ZDBF2: variants seen among roughly 807,000 people sequenced by gnomAD.
ZDBF2 encodes zinc finger DBF-type containing 2.
In ZDBF2, 6 loss-of-function variants were observed where a neutral mutation model predicts 9.4. That is an observed-to-expected ratio of 0.64 (90% CI 0.35 to 1.27). The LOEUF (loss-of-function observed/expected upper bound fraction) is 1.27, where lower values mean the gene tolerates loss of function less well. Ranked by LOEUF, ZDBF2 falls within the 50% of genes most tolerant of loss-of-function variation. The probability of loss-of-function intolerance (pLI) is 0.03; values close to 1 mark genes in which losing one functional copy is unlikely to be tolerated. For synonymous variants in ZDBF2, 905 were observed against 946.3 expected (o/e 0.96, Z 0.80); for missense variants, 2,697 against 2,766.8 (o/e 0.97, Z 0.57).
intron 3 of ZDBF2, among the ~76,000 whole-genome samples, chr2:206,293,418 G>A (rs533031844): frequency 6.6e-6 from 1 of 152,120 alleles, no homozygotes; most frequent in East Asian, 1.9e-4. Flanking sequence ...GCCACAAAAA[G>A]CACTGACAAA....
chr2:206,288,624 G>T (rs1358342634), intron 3 of ZDBF2, among the ~76,000 whole-genome samples: 4 of 152,162 alleles, frequency 2.6e-5, no homozygotes, highest in Non-Finnish European at 4.4e-5. Context: ...GTTGCACTTG[G>T]ATCTTGGGGT....
At chr2:206,281,327 C>T (rs188115359) in intron 2 of ZDBF2, among the ~76,000 whole-genome samples, 3 of 152,274 alleles carry the variant, frequency 2.0e-5, no homozygotes, top group Admixed American at 6.5e-5. Flanking sequence ...AAAAACCTGC[C>T]TCTCTATGAG....
chr2:206,309,273 T>G lies in ZDBF2; in HGVS notation c.4745T>G (p.Val1582Gly). 6.2e-7 allele frequency: 1 copy of G among 1,611,418 alleles called. No homozygotes were observed. The highest frequency in any genetic ancestry group is 8.5e-7 in the Non-Finnish European group (1 of 1,178,750). ...AGCTGTGACTTTTTTGGTTCTGAAG[T>G]CAGATGTAATTGTAAAGCCTCTACT... is the stretch of plus-strand genomic sequence containing the variant. ...DKSCDFFGSEVRCNCKASTPS... is the reference protein window; with the variant it reads ...DKSCDFFGSEGRCNCKASTPS... Residue 1582 changes from valine (V) to glycine (G), a missense_variant, in exon 5 of 5, where the codon GTC becomes GGC. Transcript: ENST00000374423.
In ZDBF2 at chr2:206,311,302, G is replaced by C. The variant is rs769194038; in HGVS notation, c.6774G>C (p.Arg2258Ser). ...AGAAGAAAAAATCTGTTGTCAGTAG[G>C]CTAAAGAAGGCGAAGAGAACAGCTA... ...YLKKKKSVVSRLKKAKRTAKV... is the reference protein window; with the variant it reads ...YLKKKKSVVSSLKKAKRTAKV... The change falls in exon 5 of 5, where the codon AGG becomes AGC. Residue 2258 changes from arginine to serine, a missense_variant. By Grantham distance (110) the Arg-to-Ser change is moderately radical. Around this residue, in one of 3 missense-constraint regions of ZDBF2, gnomAD observed 1,783 missense variants for 1,776.5 expected, o/e 1.00. Coordinates refer to ENST00000374423, the MANE Select transcript of ZDBF2 (RefSeq NM_020923.3). 1.2e-6 allele frequency: 2 copies of C among 1,605,842 alleles called. No homozygotes were observed. The highest frequency in any genetic ancestry group is 4.5e-5 in the East Asian group (2 of 44,714).
At chr2:206,276,450 A>C (rs1346941297) in intron 1 of ZDBF2, among the ~76,000 whole-genome samples, 2 of 152,210 alleles carry the variant, frequency 1.3e-5, no homozygotes, top group South Asian at 2.1e-4. Flanking sequence ...AGATGCAATT[A>C]AACTAGACAT....
intron 4 of ZDBF2, among the ~76,000 whole-genome samples, chr2:206,298,787 A>C (rs1418939035): frequency 6.6e-6 from 1 of 152,096 alleles, no homozygotes; most frequent in African/African-American, 2.4e-5. Flanking sequence ...TGGCTTCCCA[A>C]AGTACTGGGA....
intron 3 of ZDBF2, among the ~76,000 whole-genome samples, chr2:206,284,655 C>T (rs942645481): frequency 1.3e-5 from 2 of 152,112 alleles, no homozygotes; most frequent in African/African-American, 2.4e-5. Context: ...TCTAGTTTTA[C>T]GAGCACAACT....
intron 3 of ZDBF2, among the ~76,000 whole-genome samples, chr2:206,291,162 A>G (rs1691872958): frequency 6.6e-6 from 1 of 152,162 alleles, no homozygotes; most frequent in Non-Finnish European, 1.5e-5. Context: ...AGCGGTCCTC[A>G]ACCTTTTTGG....
In ZDBF2 at chr2:206,310,113, A is replaced by G; in HGVS notation, c.5585A>G (p.Asp1862Gly). ...CGTTTCCACTGTTACTTTGATGATGACTGTGAGACCAAAAAAGTTTCTTCG... is the reference window on the plus strand; with the variant it reads ...CGTTTCCACTGTTACTTTGATGATGGCTGTGAGACCAAAAAAGTTTCTTCG... ...EGRFHCYFDD[D>G]CETKKVSSKG... Residue 1862 changes from aspartate (D) to glycine (G), a missense_variant, in exon 5 of 5, where the codon GAC becomes GGC. By Grantham distance (94) the Asp-to-Gly change is moderately conservative. Coordinates refer to ENST00000374423, the MANE Select transcript of ZDBF2 (RefSeq NM_020923.3). 1 of 1,613,524 alleles carries G rather than the reference A, an allele frequency of 6.2e-7. No homozygotes were observed. The highest frequency in any genetic ancestry group is 8.5e-7 in the Non-Finnish European group (1 of 1,179,786).
chr2:206,299,043 G>A (rs906027736), intron 4 of ZDBF2, among the ~76,000 whole-genome samples: 3 of 151,062 alleles, frequency 2.0e-5, no homozygotes, highest in Admixed American at 1.3e-4. Context: ...ACCATGCCTG[G>A]CTAATTTTTG....
intron 3 of ZDBF2, among the ~76,000 whole-genome samples, chr2:206,291,837 C>T (rs1302285822): frequency 1.3e-5 from 2 of 151,962 alleles, no homozygotes; most frequent in Non-Finnish European, 2.9e-5. Flanking sequence ...ACTGTAAAAG[C>T]AGTGAAGTAA....
chr2:206,313,695 C>T lies in ZDBF2; in HGVS notation c.*2102C>T, dbSNP rs1281455323. The T allele has an allele frequency of 6.6e-6, 1 of 152,066 alleles. No homozygotes were observed. The highest frequency in any genetic ancestry group is 1.5e-5 in the Non-Finnish European group (1 of 67,992). 9.4% of individuals were successfully genotyped at this position (152,066 alleles called of 1,614,324 possible). A position where few individuals can be genotyped will look rare whatever the true frequency, so the allele number is the denominator to read the frequency against. ...ATTACATCATGCAGAGAGAACAGTTCCTGTAATTCAAGTAATTAAAATTTC... is the reference window on the plus strand; with the variant it reads ...ATTACATCATGCAGAGAGAACAGTTTCTGTAATTCAAGTAATTAAAATTTC... On this transcript the variant is annotated 3_prime_UTR_variant, in exon 5 of 5. Coordinates refer to ENST00000374423, the MANE Select transcript of ZDBF2 (RefSeq NM_020923.3).
chr2:206,282,443 T>C (rs1048583567), intron 3 of ZDBF2, among the ~76,000 whole-genome samples: 5 of 152,168 alleles, frequency 3.3e-5, no homozygotes, highest in Non-Finnish European at 7.3e-5. Context: ...GTATTTTAGA[T>C]TCAGGGGGTA....
chr2:206,306,551 CAATT>C lies in ZDBF2; in HGVS notation c.2025_2028del (p.Ala677ThrfsTer5). On this transcript the variant is annotated frameshift_variant, in exon 5 of 5. Transcript: ENST00000374423. LOFTEE classifies it low-confidence loss of function (END_TRUNC). ...TGAAATGGGTTTTCAGGCTGATGCT[CAATT>C]AGCTGACCAGTCTCAAGTAGCCGAA... is the stretch of plus-strand genomic sequence containing the variant. The C allele has an allele frequency of 6.2e-7, 1 of 1,613,644 alleles. No homozygotes were observed. Among genetic ancestry groups the C allele is most frequent in the Non-Finnish European group, 8.5e-7 (1 of 1,179,764 alleles).
chr2:206,281,879 T>C lies in ZDBF2; in HGVS notation c.30T>C (p.Tyr10=). MQKRQGYCS[Y]CRVQYNNLEQ... is the part of the protein sequence containing the mutation. Reference sequence around the variant, plus strand: ...AGAAAAGACAAGGATATTGCAGTTATTGCCGTGTGCAGTATAATAACCTGG... The same window carrying C: ...AGAAAAGACAAGGATATTGCAGTTACTGCCGTGTGCAGTATAATAACCTGG... Residue 10 remains tyrosine (Y), a synonymous_variant, in exon 3 of 5, where the codon TAT becomes TAC. Transcript: ENST00000374423. The C allele has an allele frequency of 6.2e-7, 1 of 1,613,524 alleles. No homozygotes were observed. Among genetic ancestry groups the C allele is most frequent in the Non-Finnish European group, 8.5e-7 (1 of 1,179,648 alleles).
At position 206,310,701 on chromosome 2, in the gene ZDBF2, A is replaced by G. The variant is rs1291360942; in HGVS notation, c.6173A>G (p.Lys2058Arg). 3 of 1,613,510 alleles carry G rather than the reference A, an allele frequency of 1.9e-6. No homozygotes were observed. Among genetic ancestry groups the G allele is most frequent in the Admixed American group, 1.7e-5 (1 of 59,978 alleles). ...NIFDYYEPLI[K>R]QIVISPPLSV... The stretch of plus-strand genomic sequence containing the variant: ...TTTGATTATTATGAGCCCTTGATTA[A>G]GCAAATTGTAATTAGTCCTCCCCTG... Residue 2058 changes from lysine (K) to arginine (R), a missense_variant, in exon 5 of 5, where the codon AAG becomes AGG. Physicochemically the swap from Lys to Arg is conservative, Grantham distance 26 (BLOSUM62 2). Transcript: ENST00000374423.
chr2:206,276,079 GTGAA>G (rs901897874), intron 1 of ZDBF2, among the ~76,000 whole-genome samples: 40 of 152,180 alleles, frequency 2.6e-4, no homozygotes, highest in Admixed American at 2.3e-3. Context: ...CAGCCGGTTC[GTGAA>G]TGGTGAAATT....
intron 3 of ZDBF2, among the ~76,000 whole-genome samples, chr2:206,293,209 G>A (rs1439751319): frequency 6.6e-6 from 1 of 152,130 alleles, no homozygotes; most frequent in Non-Finnish European, 1.5e-5. Context: ...AGTGAGGACA[G>A]GACTTTCTTC....
chr2:206,303,244 A>C (rs1413832722), intron 4 of ZDBF2, among the ~76,000 whole-genome samples: 1 of 135,318 alleles, frequency 7.4e-6, no homozygotes, highest in Non-Finnish European at 1.6e-5. Context: ...TTTTTTTTTT[A>C]AACAGGTCTA....
Sources: gnomAD v4.1 joint callset for allele counts (sites outside exome capture counted in the v4.1 genomes callset) on GRCh38, gnomAD v4.1.1 for gene constraint, gnomAD v4.1.1 regional missense constraint, MANE v1.5 for transcripts, NCBI Gene and HGNC (gene_info 2026-07-23, HGNC 2026-07-21) for gene names.